EMID1: variants seen among roughly 807,000 people sequenced by gnomAD.
EMID1 encodes EMI domain containing 1, also known as EMI domain-containing protein 1.
A neutral mutation model predicts 60.6 loss-of-function variants in EMID1; 40 were observed. That is an observed-to-expected ratio of 0.66 (90% CI 0.51 to 0.86). The LOEUF is 0.86. EMID1 is among the 40% of genes least tolerant of loss of function. The probability of loss-of-function intolerance (pLI) is 0.00; values close to 1 mark genes in which losing one functional copy is unlikely to be tolerated. For synonymous variants in EMID1, 242 were observed against 231.0 expected, an observed-to-expected ratio of 1.05 and a Z score of -0.43; for missense variants, 585 against 597.1, an observed-to-expected ratio of 0.98 and a Z score of 0.21.
At chr22:29,241,687 C>T (rs2041159774) in intron 12 of EMID1, among the ~76,000 whole-genome samples, 1 of 152,152 alleles carries the variant, frequency 6.6e-6, no homozygotes, top group South Asian at 2.1e-4. Context: ...CCGCACCCAG[C>T]CAACAACTTC....
chr22:29,242,375 T>C (rs2041185443), intron 12 of EMID1, among the ~76,000 whole-genome samples: 1 of 152,242 alleles, frequency 6.6e-6, no homozygotes, highest in Non-Finnish European at 1.5e-5. Flanking sequence ...TGATTCTTTT[T>C]TATAATTTAT....
chr22:29,245,648 G>GTA (rs753846470), intron 13 of EMID1, among the ~76,000 whole-genome samples: 2 of 152,338 alleles, frequency 1.3e-5, no homozygotes, highest in Non-Finnish European at 2.9e-5. Flanking sequence ...GGGCTCCTAT[G>GTA]TACACTTCAC....
intron 5 of EMID1, among the ~76,000 whole-genome samples, chr22:29,226,858 G>A (rs921859471): frequency 6.6e-6 from 1 of 152,076 alleles, no homozygotes; most frequent in African/African-American, 2.4e-5. Flanking sequence ...CAGCCAGCCT[G>A]GCCTGTTCTT....
In EMID1 at chr22:29,215,529, A is replaced by G. The variant is rs1355824367; in HGVS notation, c.218A>G (p.Tyr73Cys). 3.1e-6 allele frequency: 5 copies of G among 1,613,820 alleles called. No homozygotes were observed. Among genetic ancestry groups the G allele is most frequent in the Non-Finnish European group, 3.4e-6 (4 of 1,179,784 alleles). ...PWPMSCPGSS[Y>C]RTVVRPTYKV... ...GGGCCACCTGGGGACTCTTTCAGCTACAGAACTGTGGTGAGACCCACATAC... is the reference window on the plus strand; with the variant it reads ...GGGCCACCTGGGGACTCTTTCAGCTGCAGAACTGTGGTGAGACCCACATAC... Residue 73 changes from tyrosine (Y) to cysteine (C), a missense_variant and splice_region_variant, in exon 3 of 15, where the codon TAC becomes TGC. By Grantham distance (194) the Tyr-to-Cys change is radical. Coordinates refer to ENST00000334018, the MANE Select transcript of EMID1 (RefSeq NM_133455.4).
intron 1 of EMID1, among the ~76,000 whole-genome samples, chr22:29,210,467 C>G (rs2039841555): frequency 6.6e-6 from 1 of 152,058 alleles, no homozygotes; most frequent in Non-Finnish European, 1.5e-5. Context: ...AACTCCCGAC[C>G]TCAGGTGATC....
Position 29,231,169 on chromosome 22 carries a change from G to A in EMID1, c.586+29G>A, listed in dbSNP as rs781591535. The A allele has an allele frequency of 1.9e-6, 3 of 1,568,542 alleles. No homozygotes were observed. The East Asian group carries it at 6.7e-5, about 35-fold the overall frequency. ...AGTGTCAGACTCAGACTCCCCTGTG[G>A]GAATGAGCAGTGGGTTGGGAATCGG... is the stretch of plus-strand genomic sequence containing the variant. On this transcript the variant is annotated intron_variant, in intron 6 of 14. Coordinates refer to ENST00000334018, the MANE Select transcript of EMID1 (RefSeq NM_133455.4).
intron 3 of EMID1, among the ~76,000 whole-genome samples, chr22:29,217,335 A>G (rs1201112846): frequency 6.6e-6 from 1 of 152,196 alleles, no homozygotes; most frequent in Non-Finnish European, 1.5e-5. Context: ...GAGCCAGGCA[A>G]TGGAGCCAGG....
chr22:29,209,625 C>T (rs922131681), intron 1 of EMID1, among the ~76,000 whole-genome samples: 10 of 152,184 alleles, frequency 6.6e-5, no homozygotes, highest in Non-Finnish European at 1.5e-4. Context: ...CAGCTCATGC[C>T]CTCCTCCAGC....
Position 29,233,437 on chromosome 22 carries a change from C to T in EMID1, c.882C>T (p.Pro294=), listed in dbSNP as rs2040827335. The change falls in exon 9 of 15, where the codon CCC becomes CCT. Residue 294 remains proline (P), a synonymous_variant. Coordinates refer to ENST00000334018, the MANE Select transcript of EMID1 (RefSeq NM_133455.4). ...TETNNHWPQG[P]TGPPGPPGPM... The stretch of plus-strand genomic sequence containing the variant: ...CCAACAACCACTGGCCCCAGGGACC[C>T]ACTGGGCCTCCAGGCCCTCCAGGGC... The T allele has an allele frequency of 6.2e-7, 1 of 1,614,198 alleles. No individual in the cohort carries two copies.
At chr22:29,209,554 T>C (rs374205282) in intron 1 of EMID1, among the ~76,000 whole-genome samples, 156 of 152,288 alleles carry the variant, frequency 1.0e-3, no homozygotes, top group African/African-American at 3.7e-3. Context: ...TTCTCCATCA[T>C]TCAGTCATTC....
chr22:29,231,047 C>A lies in EMID1; in HGVS notation c.493C>A (p.Pro165Thr), dbSNP rs2146287363. 6.2e-7 allele frequency: 1 copy of A among 1,614,032 alleles called. No individual in the cohort carries two copies. The highest frequency in any genetic ancestry group is 8.5e-7 in the Non-Finnish European group (1 of 1,179,934). Residue 165 changes from proline to threonine, a missense_variant, in exon 6 of 15, where the codon CCA becomes ACA. Coordinates refer to ENST00000334018, the MANE Select transcript of EMID1 (RefSeq NM_133455.4). ...GACCATGCTGACTGTCATAGAGCAG[C>A]CAGTACCTCCAACACCAGCTACCCC... ...KMTMLTVIEQ[P>T]VPPTPATPED...
intron 14 of EMID1, chr22:29,254,581 T>C: frequency 3.0e-6 from 1 of 334,472 alleles, no homozygotes. Flanking sequence ...AGATGAAAGA[T>C]TTTAAGTTTG....
chr22:29,226,400 T>C (rs1230086690), intron 4 of EMID1, 90 bp from the exon 5 acceptor site: 1 of 1,446,722 alleles, frequency 6.9e-7, no homozygotes, highest in Non-Finnish European at 9.4e-7. Flanking sequence ...TATCTGACGC[T>C]TTCCTCCATC....
At chr22:29,254,144 C>A in intron 13 of EMID1, 59 bp from the exon 14 acceptor site, 1 of 1,610,164 alleles carries the variant, frequency 6.2e-7, no homozygotes, top group East Asian at 2.2e-5. Flanking sequence ...CACCGACGGG[C>A]TTTGCAGGGT....
intron 13 of EMID1, among the ~76,000 whole-genome samples, chr22:29,247,309 A>T (rs2041360790): frequency 6.6e-6 from 1 of 152,198 alleles, no homozygotes; most frequent in Non-Finnish European, 1.5e-5. Context: ...GGTACAATGA[A>T]TGTCATTCTG....
At chr22:29,218,080 T>G (rs1200405545) in intron 3 of EMID1, among the ~76,000 whole-genome samples, 1 of 152,234 alleles carries the variant, frequency 6.6e-6, no homozygotes, top group East Asian at 1.9e-4. Flanking sequence ...TGGCTTTATC[T>G]GGAAGTCACC....
intron 12 of EMID1, 121 bp downstream of exon 12, chr22:29,234,470 A>C: frequency 8.5e-7 from 1 of 1,180,678 alleles, no homozygotes; most frequent in Non-Finnish European, 1.2e-6. Context: ...ATTTATTTTC[A>C]GATGCTCCCT....
At chr22:29,212,303 A>C (rs1445264885) in intron 1 of EMID1, among the ~76,000 whole-genome samples, 1 of 151,726 alleles carries the variant, frequency 6.6e-6, no homozygotes, top group Non-Finnish European at 1.5e-5. Flanking sequence ...TTTAATTAAA[A>C]AAAATTTTTT....
At chr22:29,256,911 A>C (rs977256212) in intron 14 of EMID1, among the ~76,000 whole-genome samples, 2 of 152,084 alleles carry the variant, frequency 1.3e-5, no homozygotes, top group Non-Finnish European at 2.9e-5. Context: ...TGCTTCTCTA[A>C]CTTCTAGAAA....
Sources: gnomAD v4.1 joint callset for allele counts (sites outside exome capture counted in the v4.1 genomes callset) on GRCh38, gnomAD v4.1.1 for gene constraint, MANE v1.5 for transcripts, NCBI Gene and HGNC (gene_info 2026-07-23, HGNC 2026-07-21) for gene names.